Variants in RFX7 observed in about 807,000 individuals in gnomAD.
The protein encoded by RFX7 is regulatory factor X7.
In RFX7, 26 loss-of-function variants were observed where a neutral mutation model predicts 111.8. That is an observed-to-expected ratio of 0.23 (90% CI 0.17 to 0.32). The LOEUF is 0.32. Ranked by LOEUF, RFX7 falls within the 10% of genes least tolerant of loss-of-function variation. The probability of loss-of-function intolerance (pLI) is 1.00; values close to 1 mark genes in which losing one functional copy is unlikely to be tolerated. For synonymous variants in RFX7, 624 were observed against 624.4 expected (o/e 1.00, Z 0.01); for missense variants, 1,573 against 1,772.9 (o/e 0.89, Z 2.02).
intron 5 of RFX7, among the ~76,000 whole-genome samples, chr15:56,127,274 A>G (rs568108525): frequency 1.3e-5 from 2 of 152,134 alleles, no homozygotes; most frequent in South Asian, 4.2e-4. Flanking sequence ...AATACTTGAG[A>G]TAAAAATGAA....
chr15:56,087,723 C>G lies in RFX7; in HGVS notation c.*5622G>C, dbSNP rs1365681492. On this transcript the variant is annotated 3_prime_UTR_variant, in exon 10 of 10. Coordinates refer to ENST00000559447, the MANE Select transcript of RFX7 (RefSeq NM_022841.7). ...TCTGCTATAGTGACCTCATTGCATCCTGCAAAGACATTCACTGTGTCTTTT... is the reference window on the plus strand; with the variant it reads ...TCTGCTATAGTGACCTCATTGCATCGTGCAAAGACATTCACTGTGTCTTTT... 1 of 351,062 alleles carries G rather than the reference C, an allele frequency of 2.8e-6. No homozygotes were observed. The highest frequency in any genetic ancestry group is 9.0e-4 in the Middle Eastern group (1 of 1,110). 21.7% of individuals were successfully genotyped at this position (351,062 alleles called of 1,614,324 possible).
At chr15:56,215,251 T>C (rs895850054) in intron 2 of RFX7, among the ~76,000 whole-genome samples, 2 of 152,348 alleles carry the variant, frequency 1.3e-5, no homozygotes, top group East Asian at 3.9e-4. Context: ...ATCTGTATTA[T>C]TATTGTATCA....
chr15:56,148,156 G>A (rs1325557162), intron 3 of RFX7, among the ~76,000 whole-genome samples: 1 of 152,070 alleles, frequency 6.6e-6, no homozygotes, highest in Non-Finnish European at 1.5e-5. Flanking sequence ...TTCAATCTTT[G>A]CAAAAAGATA....
chr15:56,098,198 T>G lies in RFX7; in HGVS notation c.990A>C (p.Ala330=), dbSNP rs1369391162. The G allele has an allele frequency of 6.2e-7, 1 of 1,613,996 alleles. No individual in the cohort carries two copies. The highest frequency in any genetic ancestry group is 2.2e-5 in the East Asian group (1 of 44,880). ...LQSPLPGESA[A]KKSESATSNG... is the part of the protein sequence containing the mutation. Reference sequence around the variant, plus strand: ...TGCTTGTAGCACTTTCTGACTTTTTTGCTGCAGATTCTCCTGGCAAAGGGG... The same window carrying G: ...TGCTTGTAGCACTTTCTGACTTTTTGGCTGCAGATTCTCCTGGCAAAGGGG... Residue 330 remains alanine (A), a synonymous_variant, in exon 9 of 10, where the codon GCA becomes GCC. Transcript: ENST00000559447.
intron 3 of RFX7, among the ~76,000 whole-genome samples, chr15:56,156,622 G>C (rs76143065): frequency 0.013 from 1,968 of 151,210 alleles, 65 homozygotes; most frequent in African/African-American, 0.046. Context: ...AACAAAGAAT[G>C]TATATAGTCA....
At position 56,216,069 on chromosome 15, in the gene RFX7, T is replaced by G. The variant is rs146727152; in HGVS notation, c.161+27056A>C. Among the ~76,000 whole-genome samples, 164 of 152,332 alleles carry G rather than the reference T, an allele frequency of 1.1e-3. 1 individual carries two copies. Among genetic ancestry groups the G allele is most frequent in the African/African-American group, 3.8e-3 (157 of 41,580 alleles). On this transcript the variant is annotated intron_variant, in intron 2 of 9. Transcript: ENST00000559447. ...TGTTCTGAAGTCCCACACCACCATG[T>G]CTGCTTTTCTTCTGTTAGAATTGCA...
intron 3 of RFX7, among the ~76,000 whole-genome samples, chr15:56,168,431 A>G (rs1449747721): frequency 6.6e-6 from 1 of 152,242 alleles, no homozygotes; most frequent in Non-Finnish European, 1.5e-5. Flanking sequence ...GGATATAGAG[A>G]CATAAGTCCC....
At chr15:56,230,859 C>T (rs532364229) in intron 2 of RFX7, among the ~76,000 whole-genome samples, 1 of 152,208 alleles carries the variant, frequency 6.6e-6, no homozygotes, top group African/African-American at 2.4e-5. Flanking sequence ...TTTTGGGAGG[C>T]CAAGGTGGGC....
intron 5 of RFX7, among the ~76,000 whole-genome samples, chr15:56,113,845 A>C (rs1282679210): frequency 3.9e-5 from 6 of 152,160 alleles, no homozygotes; most frequent in African/African-American, 7.2e-5. Context: ...AAATATTATA[A>C]ATGACAATAA....
Position 56,091,785 on chromosome 15 carries a change from CATTT to C in RFX7, c.*1556_*1559del, listed in dbSNP as rs1437470512. 6.6e-6 allele frequency: 1 copy of C among 152,486 alleles called. No individual in the cohort carries two copies. Among genetic ancestry groups the C allele is most frequent in the African/African-American group, 2.4e-5 (1 of 41,416 alleles). The allele number at this position is 152,486 out of a possible 1,614,324, so 9.4% of individuals were successfully genotyped here. ...TAAACCTCTGCGCCAACTCTAGCAC[CATTT>C]ATTTATCAAAATATGTTAATACCCT... On this transcript the variant is annotated 3_prime_UTR_variant, in exon 10 of 10. Transcript: ENST00000559447.
intron 5 of RFX7, among the ~76,000 whole-genome samples, chr15:56,134,979 G>A (rs1461531754): frequency 2.6e-5 from 4 of 152,138 alleles, no homozygotes; most frequent in Admixed American, 6.5e-5. Flanking sequence ...ATTCCATGGT[G>A]TATATGTGCC....
intron 2 of RFX7, among the ~76,000 whole-genome samples, chr15:56,185,518 TTC>T (rs1203954560): frequency 6.6e-6 from 1 of 152,186 alleles, no homozygotes; most frequent in African/African-American, 2.4e-5. Context: ...ATTTATTAAT[TTC>T]TCTTTGGAAG....
chr15:56,124,371 G>A (rs183630940), intron 5 of RFX7, among the ~76,000 whole-genome samples: 50 of 151,176 alleles, frequency 3.3e-4, no homozygotes, highest in African/African-American at 1.1e-3. Context: ...GCAGTGAGCC[G>A]AGATCGTGCC....
At position 56,096,343 on chromosome 15, in the gene RFX7, A is replaced by G; in HGVS notation, c.1385T>C (p.Val462Ala). ...FTSSPIKTAV[V>A]PASHMSSLNV... is the part of the protein sequence containing the mutation. ...TAGAGAACTCATGTGTGAAGCGGGT[A>G]CAACAGCAGTTTTGATGGGACTACT... is the stretch of plus-strand genomic sequence containing the variant. Residue 462 changes from valine (V) to alanine (A), a missense_variant, in exon 10 of 10, where the codon GTA becomes GCA. By Grantham distance (64) the Val-to-Ala change is moderately conservative. Transcript: ENST00000559447. 6.2e-7 allele frequency: 1 copy of G among 1,613,988 alleles called. No individual in the cohort carries two copies. Among genetic ancestry groups the G allele is most frequent in the Non-Finnish European group, 8.5e-7 (1 of 1,179,874 alleles).
At chr15:56,232,435 T>G (rs1004635677) in intron 2 of RFX7, among the ~76,000 whole-genome samples, 1 of 152,098 alleles carries the variant, frequency 6.6e-6, no homozygotes, top group Non-Finnish European at 1.5e-5. Flanking sequence ...CATTTTTACC[T>G]CCTAGGCCGC....
At chr15:56,225,296 C>T (rs921777868) in intron 2 of RFX7, among the ~76,000 whole-genome samples, 1 of 152,142 alleles carries the variant, frequency 6.6e-6, no homozygotes, top group African/African-American at 2.4e-5. Flanking sequence ...CACTGTACAA[C>T]TGACATCCCA....
intron 2 of RFX7, 83 bp downstream of exon 2, chr15:56,243,042 T>TGCCCCCCC: frequency 1.8e-6 from 1 of 543,104 alleles, no homozygotes; most frequent in Non-Finnish European, 3.3e-6. Context: ...CCTCCTCCGC[T>TGCCCCCCC]CCCCCCGCCC....
chr15:56,097,388 T>C (rs1300441042), intron 9 of RFX7, among the ~76,000 whole-genome samples: 1 of 152,094 alleles, frequency 6.6e-6, no homozygotes, highest in African/African-American at 2.4e-5. Context: ...TAAGTAATCA[T>C]TACACATTAG....
intron 2 of RFX7, among the ~76,000 whole-genome samples, chr15:56,207,093 A>T (rs1271689585): frequency 6.6e-6 from 1 of 152,210 alleles, no homozygotes; most frequent in Non-Finnish European, 1.5e-5. Flanking sequence ...GCATTCCTGT[A>T]TCAAAATATC....
Sources: allele counts gnomAD v4.1 joint callset (sites outside exome capture counted in the v4.1 genomes callset), GRCh38; gene constraint gnomAD v4.1.1; transcripts MANE v1.5; gene names NCBI Gene and HGNC (gene_info 2026-07-23, HGNC 2026-07-21).